The following PCDHGB4 variants were observed in gnomAD, a reference collection of about 807,000 sequenced individuals.
The protein encoded by PCDHGB4 is protocadherin gamma-B4.
PCDHGB4 carries 38 observed loss-of-function variants against 60.5 expected under a neutral mutation model. That is an observed-to-expected ratio of 0.63 (90% CI 0.48 to 0.82). The LOEUF is 0.82. Among genes scored for constraint, PCDHGB4 ranks in the 40% least tolerant of loss-of-function variants. The pLI is 0.00. For synonymous variants in PCDHGB4, 456 were observed against 509.7 expected (o/e 0.89, Z 1.42); for missense variants, 1,109 against 1,209.6 (o/e 0.92, Z 1.23).
Position 141,489,527 on chromosome 5 carries a change from G to A in PCDHGB4, c.2398-5280G>A. On this transcript the variant is annotated intron_variant, in intron 1 of 3. Coordinates refer to ENST00000519479, the MANE Select transcript of PCDHGB4 (RefSeq NM_003736.4). The surrounding 1 kb of genome is among the most constrained non-coding windows in gnomAD (Gnocchi z 4.5). The stretch of plus-strand genomic sequence containing the variant: ...CAAAAGATTGACCGAGAAAGCCTAT[G>A]TGGAGCCAGCACCAGCTGCCTGCTG... The A allele has an allele frequency of 1.9e-6, 3 of 1,614,152 alleles. No individual in the cohort carries two copies. Among genetic ancestry groups the A allele is most frequent in the East Asian group, 2.2e-5 (1 of 44,874 alleles).
At chr5:141,394,096 G>C in intron 1 of PCDHGB4, 1 of 1,613,822 alleles carries the variant, frequency 6.2e-7, no homozygotes, top group African/African-American at 1.3e-5. Context: ...TCAGATCTAG[G>C]AACACCACCT....
chr5:141,398,087 G>T (rs1377881034), intron 1 of PCDHGB4: 1 of 1,599,430 alleles, frequency 6.3e-7, no homozygotes, highest in African/African-American at 1.3e-5. Flanking sequence ...TTGTAACCTG[G>T]CGTCTCCAGG....
chr5:141,497,084 G>A (rs1417389801), intron 2 of PCDHGB4, among the ~76,000 whole-genome samples: 1 of 152,098 alleles, frequency 6.6e-6, no homozygotes, highest in East Asian at 1.9e-4. Context: ...AGCGACTTAG[G>A]AGGCTGAGGC....
chr5:141,424,504 G>A (rs1357608806), intron 1 of PCDHGB4: 2 of 152,134 alleles, frequency 1.3e-5, no homozygotes, highest in East Asian at 1.9e-4. Flanking sequence ...TGTATGGAAG[G>A]TTTTTTAATG....
In PCDHGB4 at chr5:141,401,291, G is replaced by A. The variant is rs565015907; in HGVS notation, c.2397+11010G>A. On this transcript the variant is annotated intron_variant, in intron 1 of 3. Transcript: ENST00000519479. ...TGGCAGGTGGAGGTTGCGGTGAGCC[G>A]AGATCACTCCATTGCATTCCAGCCT... is the stretch of plus-strand genomic sequence containing the variant. Among the ~76,000 whole-genome samples the A allele has an allele frequency of 8.5e-5, 13 of 152,194 alleles. No individual in the cohort carries two copies. The South Asian group carries it at 2.5e-3, about 29-fold the overall frequency.
At chr5:141,478,428 C>G in intron 1 of PCDHGB4, 1 of 1,613,746 alleles carries the variant, frequency 6.2e-7, no homozygotes. Flanking sequence ...CGCAGCGACC[C>G]GCTGCTGAAG....
intron 1 of PCDHGB4, among the ~76,000 whole-genome samples, chr5:141,437,741 C>CTTT (rs35124340): frequency 4.2e-5 from 6 of 141,750 alleles, no homozygotes; most frequent in Admixed American, 7.0e-5. Flanking sequence ...TTGAGTTCAC[C>CTTT]TTTTTTTTTT....
At chr5:141,481,919 A>C (rs1488201177) in intron 1 of PCDHGB4, among the ~76,000 whole-genome samples, 1 of 151,214 alleles carries the variant, frequency 6.6e-6, no homozygotes, top group Non-Finnish European at 1.5e-5. Context: ...ATCTCAAAAA[A>C]AAAAAAAAAA....
chr5:141,466,203 C>G (rs1291051063), intron 1 of PCDHGB4, among the ~76,000 whole-genome samples: 1 of 151,914 alleles, frequency 6.6e-6, no homozygotes, highest in Non-Finnish European at 1.5e-5. Context: ...CACAGCCTTG[C>G]TCTGTTACCC....
Position 141,388,778 on chromosome 5 carries a change from A to T in PCDHGB4, c.894A>T (p.Glu298Asp), listed in dbSNP as rs2091485337. ...TQFDLNSNTG[E>D]ITVLNTLDFE... ...TTGACCTGAACTCTAACACCGGGGA[A>T]ATTACTGTTTTAAATACATTAGATT... is the stretch of plus-strand genomic sequence containing the variant. Residue 298 changes from glutamate (E) to aspartate (D), a missense_variant, in exon 1 of 4, where the codon GAA becomes GAT. This residue lies in a region of PCDHGB4 where 1,068 missense variants were observed against 1,089.9 expected (regional missense o/e 0.98). Coordinates refer to ENST00000519479, the MANE Select transcript of PCDHGB4 (RefSeq NM_003736.4). 1.9e-6 allele frequency: 3 copies of T among 1,613,826 alleles called. No individual in the cohort carries two copies.
chr5:141,472,865 A>G (rs1329594490), intron 1 of PCDHGB4, among the ~76,000 whole-genome samples: 3 of 149,558 alleles, frequency 2.0e-5, no homozygotes, highest in Non-Finnish European at 4.5e-5. Flanking sequence ...ACATGCCTGT[A>G]TTCCCAGCTA....
intron 1 of PCDHGB4, chr5:141,409,189 C>T (rs1216028242): frequency 6.2e-7 from 1 of 1,613,918 alleles, no homozygotes; most frequent in Admixed American, 1.7e-5. Flanking sequence ...GTCTCTCTAC[C>T]CAGTGTAAAG....
rs115237553 is a variant in PCDHGB4, at chr5:141,476,478, T to A, written c.2398-18329T>A. 1.3e-4 allele frequency: 203 copies of A among 1,613,844 alleles called. 2 individuals are homozygous for A. The African/African-American group carries it at 2.5e-3, about 20-fold the overall frequency. Reference sequence around the variant, plus strand: ...GAGAACCCGCTGGAGCTGTTCAGCGTGGAAGTGGTGATCCAGGACATCAAC... The same window carrying A: ...GAGAACCCGCTGGAGCTGTTCAGCGAGGAAGTGGTGATCCAGGACATCAAC... On this transcript the variant is annotated intron_variant, in intron 1 of 3. Transcript: ENST00000519479. The surrounding 1 kb of genome is among the most constrained non-coding windows in gnomAD (Gnocchi z 7.6).
chr5:141,480,429 T>C (rs72790066), intron 1 of PCDHGB4, among the ~76,000 whole-genome samples: 4 of 151,864 alleles, frequency 2.6e-5, no homozygotes, highest in African/African-American at 9.7e-5. Flanking sequence ...AAAAAAATTA[T>C]CAGCTATTAC....
At chr5:141,413,763 G>A (rs964376306) in intron 1 of PCDHGB4, 6 of 1,612,814 alleles carry the variant, frequency 3.7e-6, no homozygotes, top group Non-Finnish European at 5.1e-6. Context: ...TCAAGTACCC[G>A]GAGCTGGTAC....
rs924261107 is a variant in PCDHGB4 at position 141,388,233 on chromosome 5, T to C, written c.349T>C (p.Tyr117His). ...TGTTGCTGAAAATCCACTGAACTTT[T>C]ATCACGTGAATGTGGAGATCGAGGA... ...EAVAENPLNF[Y>H]HVNVEIEDIN... The change falls in exon 1 of 4, where the codon TAT (tyrosine) becomes CAT (histidine). Residue 117 changes from tyrosine to histidine, a missense_variant. Physicochemically the swap from Tyr to His is moderately conservative, Grantham distance 83 (BLOSUM62 2). Transcript: ENST00000519479. 1.2e-6 allele frequency: 2 copies of C among 1,608,114 alleles called. No homozygotes were observed. The highest frequency in any genetic ancestry group is 1.1e-5 in the South Asian group (1 of 90,770).
intron 1 of PCDHGB4, chr5:141,478,419 G>A (rs2530208): frequency 3.7e-6 from 6 of 1,613,632 alleles, no homozygotes; most frequent in South Asian, 2.2e-5. Context: ...GACTCCCGCC[G>A]CAGCGACCCG....
chr5:141,447,481 A>G lies in PCDHGB4; in HGVS notation c.2398-47326A>G, dbSNP rs141192758. 3.9e-3 allele frequency among the ~76,000 whole-genome samples: 591 copies of G among 152,326 alleles called. 6 individuals carry two copies. The highest frequency in any genetic ancestry group is 0.011 in the Admixed American group (170 of 15,286). ...TTTTCTTCACCATCTGTAAAACTGC[A>G]TAGAAGGAATGTTTAGGATAAAAGA... On this transcript the variant is annotated intron_variant, in intron 1 of 3. Transcript: ENST00000519479.
At chr5:141,502,030 C>T (rs1031787021) in intron 2 of PCDHGB4, among the ~76,000 whole-genome samples, 4 of 152,180 alleles carry the variant, frequency 2.6e-5, no homozygotes, top group Non-Finnish European at 4.4e-5. Flanking sequence ...CAACCCCCGC[C>T]GCTTGCCTGC....
Sources: gnomAD v4.1 joint callset for allele counts (sites outside exome capture counted in the v4.1 genomes callset) on GRCh38, gnomAD v4.1.1 for gene constraint, gnomAD v4.1.1 regional missense constraint, Gnocchi (gnomAD v3.1) non-coding constraint, MANE v1.5 for transcripts, NCBI Gene and HGNC (gene_info 2026-07-23, HGNC 2026-07-21) for gene names.